PFKP: variants seen among roughly 807,000 people sequenced by gnomAD.
PFKP encodes phosphofructokinase, platelet, also known as ATP-dependent 6-phosphofructokinase, platelet type.
Under a neutral mutation model 94.3 loss-of-function variants are expected in PFKP, and 101 were observed. The observed-to-expected ratio is 1.07, with a 90% CI of 0.91 to 1.26. The LOEUF (loss-of-function observed/expected upper bound fraction) is 1.26. PFKP is among the 50% of genes most tolerant of loss of function. The probability of loss-of-function intolerance (pLI) is 0.00; values close to 1 mark genes in which losing one functional copy is unlikely to be tolerated. For synonymous variants in PFKP, 573 were observed against 432.6 expected, an observed-to-expected ratio of 1.32 and a Z score of -4.03; for missense variants, 1,145 against 1,103.3, an observed-to-expected ratio of 1.04 and a Z score of -0.53.
At chr10:3,110,609 G>A (rs1434658945) in intron 10 of PFKP, among the ~76,000 whole-genome samples, 2 of 152,036 alleles carry the variant, frequency 1.3e-5, no homozygotes, top group Non-Finnish European at 2.9e-5. Context: ...ATCAAGTCAG[G>A]GACTTGTTGA....
intron 1 of PFKP, among the ~76,000 whole-genome samples, chr10:3,073,756 G>A (rs1263684694): frequency 6.7e-6 from 1 of 149,416 alleles, no homozygotes; most frequent in African/African-American, 2.5e-5. Flanking sequence ...TAGCCTCGGG[G>A]AGTCAGTCCT....
intron 16 of PFKP, among the ~76,000 whole-genome samples, chr10:3,127,957 T>C (rs143698498): frequency 3.3e-5 from 5 of 152,310 alleles, no homozygotes; most frequent in African/African-American, 1.2e-4. Flanking sequence ...AGTGAACATT[T>C]CCCAATGGGT....
intron 2 of PFKP, among the ~76,000 whole-genome samples, chr10:3,097,757 C>G (rs1273809425): frequency 1.3e-5 from 2 of 152,218 alleles, no homozygotes; most frequent in African/African-American, 2.4e-5. Flanking sequence ...GTAATCCCAG[C>G]ACTTTGGGAG....
At chr10:3,132,350 T>C (rs747444252) in intron 17 of PFKP, 30 bp from the exon 18 acceptor site, 16 of 1,533,820 alleles carry the variant, frequency 1.0e-5, no homozygotes, top group African/African-American at 2.7e-5. Flanking sequence ...TAGAAGTTTA[T>C]TGTCTGATTA....
chr10:3,096,354 G>T (rs1834477296), intron 2 of PFKP, among the ~76,000 whole-genome samples: 1 of 152,172 alleles, frequency 6.6e-6, no homozygotes, highest in Non-Finnish European at 1.5e-5. Context: ...GCCGGAACTG[G>T]CACCTTCCCC....
At chr10:3,101,283 T>G in intron 3 of PFKP, 82 bp from the exon 4 acceptor site, 1 of 1,127,738 alleles carries the variant, frequency 8.9e-7, no homozygotes, top group Non-Finnish European at 1.3e-6. Flanking sequence ...TAGCACCCCA[T>G]GTTTATAGTC....
chr10:3,074,095 C>T (rs1429314197), intron 1 of PFKP, among the ~76,000 whole-genome samples: 16 of 152,184 alleles, frequency 1.1e-4, no homozygotes, highest in Admixed American at 7.2e-4. Context: ...CTGCCTTGGC[C>T]TCCCAAAGTG....
At chr10:3,121,781 G>T (rs9423685) in intron 16 of PFKP, among the ~76,000 whole-genome samples, 31,031 of 123,462 alleles carry the variant, frequency 0.25, 3,750 homozygotes, top group South Asian at 0.3. Context: ...TCGAAGCTAG[G>T]TTAAACAATT....
At chr10:3,122,521 T>C (rs1391608758) in intron 16 of PFKP, among the ~76,000 whole-genome samples, 1 of 152,238 alleles carries the variant, frequency 6.6e-6, no homozygotes, top group African/African-American at 2.4e-5. Context: ...TGGGCTCGTC[T>C]GGCCATAGAA....
intron 1 of PFKP, among the ~76,000 whole-genome samples, chr10:3,071,396 C>T (rs1832166782): frequency 7.5e-6 from 1 of 133,778 alleles, no homozygotes; most frequent in African/African-American, 3.0e-5. Context: ...TTTGTTTTTT[C>T]TACTTGCTTG....
chr10:3,130,058 A>AG, intron 17 of PFKP, 75 bp downstream of exon 17: 1 of 1,397,432 alleles, frequency 7.2e-7, no homozygotes, highest in East Asian at 2.4e-5. Context: ...CATCGTGTCT[A>AG]GGGTGGTTTG....
At chr10:3,080,090 G>A (rs550425373) in intron 1 of PFKP, among the ~76,000 whole-genome samples, 1 of 142,540 alleles carries the variant, frequency 7.0e-6, no homozygotes, top group Non-Finnish European at 1.6e-5. Context: ...TGCTACCAAG[G>A]TTCAGGAACA....
intron 13 of PFKP, among the ~76,000 whole-genome samples, chr10:3,113,727 G>A (rs1157350162): frequency 6.6e-6 from 1 of 152,140 alleles, no homozygotes; most frequent in Non-Finnish European, 1.5e-5. Context: ...GGTATGATGT[G>A]CTTTTGAATT....
intron 4 of PFKP, among the ~76,000 whole-genome samples, chr10:3,101,988 A>G (rs1835039067): frequency 6.6e-6 from 1 of 150,668 alleles, no homozygotes; most frequent in African/African-American, 2.4e-5. Flanking sequence ...GCGGTGGCTC[A>G]CGCCTGTAAT....
intron 4 of PFKP, among the ~76,000 whole-genome samples, chr10:3,102,334 A>G (rs11251718): frequency 1 from 150,947 of 151,180 alleles, 75,361 homozygotes; most frequent in Middle Eastern, 1. Flanking sequence ...TACATCATCC[A>G]GTACCAACTT....
intron 1 of PFKP, among the ~76,000 whole-genome samples, chr10:3,073,608 T>C (rs7094776): frequency 0.094 from 14,249 of 151,824 alleles, 806 homozygotes; most frequent in African/African-American, 0.13. Context: ...AGGAGTCCCA[T>C]GGGATTGTTT....
chr10:3,100,080 TGTGTGA>T (rs1163706632), intron 3 of PFKP, among the ~76,000 whole-genome samples: 26 of 150,158 alleles, frequency 1.7e-4, no homozygotes, highest in Admixed American at 4.6e-4. Flanking sequence ...TGTGTGTGTG[TGTGTGA>T]AAGAGAGTGA....
Position 3,105,085 on chromosome 10 carries a change from T to C in PFKP, c.621-30T>C, listed in dbSNP as rs1006945705. On this transcript the variant is annotated intron_variant, in intron 5 of 21. Transcript: ENST00000381125. ...CTCTGTTTCTCTGCTTTCTGAGCTG[T>C]GTCCGGGGCTCCCTCTGTTTCTCTT... 1.9e-6 allele frequency: 3 copies of C among 1,610,498 alleles called. No individual in the cohort carries two copies. The African/African-American group carries it at 4.0e-5, about 21-fold the overall frequency.
At chr10:3,077,491 C>T (rs576887461) in intron 1 of PFKP, among the ~76,000 whole-genome samples, 3 of 151,808 alleles carry the variant, frequency 2.0e-5, no homozygotes, top group East Asian at 3.9e-4. Context: ...TGGTCTCGAT[C>T]TCCTGACCTC....
Sources: gnomAD v4.1 joint callset for allele counts (sites outside exome capture counted in the v4.1 genomes callset) on GRCh38, gnomAD v4.1.1 for gene constraint, MANE v1.5 for transcripts, NCBI Gene and HGNC (gene_info 2026-07-23, HGNC 2026-07-21) for gene names.